The following ASIC2 variants were observed in gnomAD, a reference collection of about 807,000 sequenced individuals.
The protein encoded by ASIC2 is acid-sensing ion channel 2.
In ASIC2, 25 loss-of-function variants were observed where a neutral mutation model predicts 57.3. The observed-to-expected ratio is 0.44, with a 90% CI of 0.32 to 0.61. ASIC2 has a LOEUF of 0.61. ASIC2 is among the 20% of genes least tolerant of loss of function. The pLI, the probability that ASIC2 is intolerant of heterozygous loss-of-function variation, is 0.06. For synonymous variants in ASIC2, 319 were observed against 307.5 expected (o/e 1.04, Z -0.39); for missense variants, 641 against 738.1 (o/e 0.87, Z 1.52).
rs1567620880 is a variant in ASIC2, at chr17:33,464,477, TTTCTCTCTTTCTTTCTTTC to T, written c.556-352429_556-352411del. Among the ~76,000 whole-genome samples, 54 of 107,758 alleles carry T rather than the reference TTTCTCTCTTTCTTTCTTTC, an allele frequency of 5.0e-4. 1 individual carries two copies. Among genetic ancestry groups the T allele is most frequent in the South Asian group, 1.1e-3 (3 of 2,700 alleles). 70.7% of individuals were successfully genotyped at this position (107,758 alleles called of 152,430 possible). On this transcript the variant is annotated intron_variant, in intron 1 of 9. Transcript: ENST00000359872. ...TTTTTCTCTTTCTTTCTTTCTTTCT[TTTCTCTCTTTCTTTCTTTC>T]TTTCTTTCTTTCTTTCTTTCTTTCT...
At chr17:33,543,053 G>T (rs996973930) in intron 1 of ASIC2, among the ~76,000 whole-genome samples, 2 of 146,856 alleles carry the variant, frequency 1.4e-5, no homozygotes, top group African/African-American at 5.1e-5. Flanking sequence ...ACCAAACACC[G>T]CATATTCTCA....
intron 1 of ASIC2, among the ~76,000 whole-genome samples, chr17:33,735,908 GT>G (rs1476619408): frequency 2.0e-5 from 3 of 152,020 alleles, no homozygotes; most frequent in Non-Finnish European, 4.4e-5. Context: ...CAAGATCTCT[GT>G]TTTCAAATTT....
rs113967785 is a variant in ASIC2, at chr17:34,032,585, A to G, written c.555+123393T>C. Among the ~76,000 whole-genome samples the G allele has an allele frequency of 2.1e-4, 32 of 152,360 alleles. 1 individual carries two copies. Among genetic ancestry groups the G allele is most frequent in the African/African-American group, 7.5e-4 (31 of 41,588 alleles). ...AGACTGGCAAATTGGATAAAGAGTC[A>G]AGACCCATCAGTGTGCTGTATTCAG... On this transcript the variant is annotated intron_variant, in intron 1 of 9. Transcript: ENST00000359872.
At chr17:33,244,355 G>T (rs1908616608) in intron 1 of ASIC2, among the ~76,000 whole-genome samples, 1 of 152,090 alleles carries the variant, frequency 6.6e-6, no homozygotes, top group African/African-American at 2.4e-5. Context: ...GGAAAATGAG[G>T]CCTCTAGGAA....
At chr17:33,662,099 A>G (rs766537363) in intron 1 of ASIC2, among the ~76,000 whole-genome samples, 6 of 152,110 alleles carry the variant, frequency 3.9e-5, no homozygotes, top group Non-Finnish European at 7.4e-5. Flanking sequence ...TTTAATCCTC[A>G]CCAGAAAATT....
intron 1 of ASIC2, among the ~76,000 whole-genome samples, chr17:33,713,929 T>C (rs1422448143): frequency 1.3e-5 from 2 of 152,206 alleles, no homozygotes; most frequent in African/African-American, 4.8e-5. Context: ...TTAAAGTCAA[T>C]TATTTTCAGT....
chr17:33,877,052 A>C (rs1914563626), intron 1 of ASIC2, among the ~76,000 whole-genome samples: 1 of 152,264 alleles, frequency 6.6e-6, no homozygotes, highest in Non-Finnish European at 1.5e-5. Context: ...GCTACTAGTG[A>C]GGCCAAGGCC....
At chr17:33,091,155 T>C (rs557278493) in intron 2 of ASIC2, among the ~76,000 whole-genome samples, 1 of 152,136 alleles carries the variant, frequency 6.6e-6, no homozygotes, top group African/African-American at 2.4e-5. Flanking sequence ...AGGTGGAACC[T>C]CAAGGAAGGT....
chr17:33,880,486 C>T (rs563260212), intron 1 of ASIC2, among the ~76,000 whole-genome samples: 1 of 152,140 alleles, frequency 6.6e-6, no homozygotes, highest in Non-Finnish European at 1.5e-5. Flanking sequence ...CACCTCTATG[C>T]AAATAAACTA....
At chr17:33,805,230 G>T (rs1210470801) in intron 1 of ASIC2, among the ~76,000 whole-genome samples, 1 of 152,036 alleles carries the variant, frequency 6.6e-6, no homozygotes. Context: ...TGTGTTTCTG[G>T]ACTGTGATTT....
At chr17:33,928,367 TAAAAGCTGACCAGAACTGTGC>T (rs1030251636) in intron 1 of ASIC2, among the ~76,000 whole-genome samples, 34 of 152,160 alleles carry the variant, frequency 2.2e-4, no homozygotes, top group African/African-American at 7.9e-4. Context: ...GGGTGGGTGG[TAAAAGCTGACCAGAACTGTGC>T]AGCTCTGTTG....
chr17:33,094,410 C>A (rs2092169797), intron 2 of ASIC2, among the ~76,000 whole-genome samples: 1 of 152,192 alleles, frequency 6.6e-6, no homozygotes, highest in Non-Finnish European at 1.5e-5. Context: ...GGTAACGGCT[C>A]TCCCTGCTAC....
intron 1 of ASIC2, among the ~76,000 whole-genome samples, chr17:33,236,777 T>C (rs1334792741): frequency 2.0e-5 from 3 of 152,008 alleles, no homozygotes; most frequent in African/African-American, 7.3e-5. Flanking sequence ...CAGAGAGAAA[T>C]GGGCCACGTG....
chr17:33,708,043 A>G (rs368999931), intron 1 of ASIC2, among the ~76,000 whole-genome samples: 2 of 152,196 alleles, frequency 1.3e-5, no homozygotes, highest in African/African-American at 4.8e-5. Context: ...CTCTGGGTCA[A>G]CTTCTTCAGA....
intron 1 of ASIC2, among the ~76,000 whole-genome samples, chr17:34,048,772 T>C (rs1448249818): frequency 1.3e-5 from 2 of 152,226 alleles, no homozygotes; most frequent in African/African-American, 4.8e-5. Context: ...TCGGATGTTG[T>C]GCAGATAAGA....
At chr17:33,924,823 C>A (rs1915790282) in intron 1 of ASIC2, among the ~76,000 whole-genome samples, 1 of 152,188 alleles carries the variant, frequency 6.6e-6, no homozygotes, top group Non-Finnish European at 1.5e-5. Flanking sequence ...TCTAAGTTAC[C>A]CTCAACTGGA....
At chr17:33,818,439 C>G (rs531287069) in intron 1 of ASIC2, among the ~76,000 whole-genome samples, 84 of 152,278 alleles carry the variant, frequency 5.5e-4, no homozygotes, top group Non-Finnish European at 1.1e-3. Flanking sequence ...GTTCAGAAGC[C>G]AGCTCAGGTC....
At chr17:33,655,845 A>T (rs1907057732) in intron 1 of ASIC2, among the ~76,000 whole-genome samples, 1 of 152,214 alleles carries the variant, frequency 6.6e-6, no homozygotes, top group African/African-American at 2.4e-5. Context: ...TGAGTTCTCT[A>T]TATCTATCAT....
intron 1 of ASIC2, among the ~76,000 whole-genome samples, chr17:33,574,621 G>C (rs2141994239): frequency 6.6e-6 from 1 of 152,292 alleles, no homozygotes; most frequent in Non-Finnish European, 1.5e-5. Flanking sequence ...ATGTCCCCTG[G>C]GGAGTAAAAC....
Sources: allele counts gnomAD v4.1 joint callset (sites outside exome capture counted in the v4.1 genomes callset), GRCh38; gene constraint gnomAD v4.1.1; transcripts MANE v1.5; gene names NCBI Gene and HGNC (gene_info 2026-07-23, HGNC 2026-07-21).